The following RYR3 variants were observed in gnomAD, a reference collection of about 807,000 sequenced individuals.
RYR3 encodes the protein brain ryanodine receptor-calcium release channel.
A neutral mutation model predicts 584.3 loss-of-function variants in RYR3; 207 were observed. That is an observed-to-expected ratio of 0.35 (90% CI 0.32 to 0.40). RYR3 has a LOEUF of 0.40. RYR3 is among the 10% of genes least tolerant of loss of function. RYR3 has a pLI of 1.00. For missense variants in RYR3, 5,616 were observed against 6,089.2 expected (o/e 0.92, Z 2.59); for synonymous variants, 2,416 against 2,248.5 (o/e 1.07, Z -2.11).
At chr15:33,751,834 G>T (rs1157222958) in intron 57 of RYR3, among the ~76,000 whole-genome samples, 2 of 152,086 alleles carry the variant, frequency 1.3e-5, no homozygotes, top group Non-Finnish European at 2.9e-5. Context: ...ATATTGCCTA[G>T]GTTTTCTTCT....
At chr15:33,548,923 TTC>T (rs2056456290) in intron 9 of RYR3, among the ~76,000 whole-genome samples, 2 of 152,188 alleles carry the variant, frequency 1.3e-5, no homozygotes, top group African/African-American at 4.8e-5. Flanking sequence ...CTCTAGTTCT[TTC>T]TGCTCAGTCT....
chr15:33,800,225 G>T (rs2075848392), intron 67 of RYR3, among the ~76,000 whole-genome samples: 1 of 152,096 alleles, frequency 6.6e-6, no homozygotes. Flanking sequence ...AAATCACAGC[G>T]AAAAACATAT....
chr15:33,825,435 C>T (rs1180889714), intron 81 of RYR3, among the ~76,000 whole-genome samples, 168 bp from the exon 82 acceptor site: 3 of 152,070 alleles, frequency 2.0e-5, no homozygotes, highest in Non-Finnish European at 2.9e-5. Flanking sequence ...CAACACTGCT[C>T]GGCACAAAAC....
chr15:33,645,022 T>A (rs1251432388), intron 28 of RYR3, among the ~76,000 whole-genome samples: 1 of 151,682 alleles, frequency 6.6e-6, no homozygotes, highest in Non-Finnish European at 1.5e-5. Context: ...TTGAAACAAT[T>A]TTTTTTATTA....
At chr15:33,865,059 GAACAAA>G in intron 103 of RYR3, 66 bp from the exon 104 acceptor site, 3 of 1,208,324 alleles carry the variant, frequency 2.5e-6, no homozygotes, top group Non-Finnish European at 3.6e-6. Flanking sequence ...GAGCCACAAA[GAACAAA>G]AACAAACTGG....
At chr15:33,563,522 A>G (rs987569689) in intron 11 of RYR3, among the ~76,000 whole-genome samples, 83 of 152,350 alleles carry the variant, frequency 5.4e-4, no homozygotes, top group African/African-American at 1.9e-3. Context: ...TGCTCCAGCG[A>G]GAAAAACTAG....
intron 62 of RYR3, 22 bp downstream of exon 62, chr15:33,769,194 C>T (rs1331002800): frequency 6.3e-7 from 1 of 1,579,080 alleles, no homozygotes; most frequent in Non-Finnish European, 8.7e-7. Flanking sequence ...CAGTTTTTCC[C>T]AATAGTTTCT....
At chr15:33,669,558 A>T (rs1030342457) in intron 37 of RYR3, 102 bp downstream of exon 37, 2 of 974,388 alleles carry the variant, frequency 2.1e-6, no homozygotes, top group East Asian at 5.0e-5. Context: ...TTATTTTTGT[A>T]TTTAAAATTG....
intron 1 of RYR3, among the ~76,000 whole-genome samples, chr15:33,349,041 T>TTCTTTTGC (rs1344909469): frequency 6.6e-6 from 1 of 152,096 alleles, no homozygotes; most frequent in African/African-American, 2.4e-5. Context: ...TCAGACTGGT[T>TTCTTTTGC]TCTTTTGCTT....
chr15:33,747,997 A>C (rs1375064219), intron 53 of RYR3, 117 bp from the exon 54 acceptor site: 48 of 840,540 alleles, frequency 5.7e-5, no homozygotes, highest in Non-Finnish European at 9.0e-5. Flanking sequence ...TTGTGAGAGA[A>C]GGCTGGTGCT....
At chr15:33,723,656 A>G (rs1001017028) in intron 44 of RYR3, among the ~76,000 whole-genome samples, 3 of 152,210 alleles carry the variant, frequency 2.0e-5, no homozygotes, top group African/African-American at 7.2e-5. Context: ...CTCAAGCAAC[A>G]TGAGAAAAAA....
chr15:33,731,109 A>G (rs911920363), intron 47 of RYR3, among the ~76,000 whole-genome samples: 3 of 152,214 alleles, frequency 2.0e-5, no homozygotes, highest in African/African-American at 7.2e-5. Flanking sequence ...TATCCTGGCA[A>G]CTAGACTTTG....
intron 50 of RYR3, 97 bp from the exon 51 acceptor site, chr15:33,739,735 C>T (rs781540559): frequency 1.4e-4 from 136 of 987,794 alleles, no homozygotes; most frequent in Non-Finnish European, 1.8e-4. Flanking sequence ...GATAAATGCG[C>T]GTATTTTATT....
intron 30 of RYR3, among the ~76,000 whole-genome samples, chr15:33,648,313 C>T (rs1041250297): frequency 6.6e-6 from 1 of 152,146 alleles, no homozygotes; most frequent in Non-Finnish European, 1.5e-5. Context: ...TCTAGCCGAC[C>T]CTTTTTTCTT....
At chr15:33,482,021 C>T (rs1273697845) in intron 2 of RYR3, among the ~76,000 whole-genome samples, 1 of 151,844 alleles carries the variant, frequency 6.6e-6, no homozygotes, top group East Asian at 1.9e-4. Context: ...AATGTATTTG[C>T]CATTTTCAGT....
Position 33,768,694 on chromosome 15 carries a change from A to G in RYR3, c.8742A>G (p.Arg2914=), listed in dbSNP as rs1681376662. Residue 2914 remains arginine, a synonymous_variant, in exon 61 of 104, where the codon AGA becomes AGG. Transcript: ENST00000634891. The part of the protein sequence containing the change: ...FCKLAALVRH[R]ISLFGSDSTT... ...AACTTGCCGCTCTCGTTAGACACAG[A>G]ATTTCCCTCTTTGGTAAGTGAAGTG... 2 of 1,613,904 alleles carry G rather than the reference A, an allele frequency of 1.2e-6. No homozygotes were observed. The highest frequency in any genetic ancestry group is 1.7e-6 in the Non-Finnish European group (2 of 1,179,844).
chr15:33,484,995 TA>T (rs889782415), intron 2 of RYR3, among the ~76,000 whole-genome samples: 1 of 152,082 alleles, frequency 6.6e-6, no homozygotes, highest in African/African-American at 2.4e-5. Flanking sequence ...AAATGTTTAT[TA>T]AAAAGAGAGG....
At chr15:33,406,441 C>T (rs2043022372) in intron 1 of RYR3, among the ~76,000 whole-genome samples, 1 of 152,216 alleles carries the variant, frequency 6.6e-6, no homozygotes, top group South Asian at 2.1e-4. Context: ...TGTGATCTAT[C>T]CCCGTCAGCA....
intron 85 of RYR3, 80 bp from the exon 86 acceptor site, chr15:33,830,883 C>G: frequency 6.8e-7 from 1 of 1,470,614 alleles, no homozygotes; most frequent in Non-Finnish European, 9.3e-7. Flanking sequence ...GCAGGATTAT[C>G]ATGTACCCTT....
Sources: gnomAD v4.1 joint callset for allele counts (sites outside exome capture counted in the v4.1 genomes callset) on GRCh38, gnomAD v4.1.1 for gene constraint, MANE v1.5 for transcripts, NCBI Gene and HGNC (gene_info 2026-07-23, HGNC 2026-07-21) for gene names.